Variants in MBNL2 observed in about 807,000 individuals in gnomAD.
MBNL2 encodes muscleblind like splicing regulator 2, also known as muscleblind-like protein 2.
Under a neutral mutation model 41.9 loss-of-function variants are expected in MBNL2, and 17 were observed. That is an observed-to-expected ratio of 0.41 (90% CI 0.28 to 0.61). The LOEUF is 0.61. Among genes scored for constraint, MBNL2 ranks in the 20% least tolerant of loss-of-function variants. The pLI is 0.35. For missense variants in MBNL2, 336 were observed against 505.6 expected, an observed-to-expected ratio of 0.66 and a Z score of 3.22; for synonymous variants, 195 against 182.9, an observed-to-expected ratio of 1.07 and a Z score of -0.53.
chr13:97,291,432 C>T (rs371286017), intron 2 of MBNL2, among the ~76,000 whole-genome samples: 1 of 151,804 alleles, frequency 6.6e-6, no homozygotes, highest in East Asian at 1.9e-4. Context: ...TAGTAGAGAC[C>T]GGGTTTCACC....
upstream of MBNL2, among the ~76,000 whole-genome samples, chr13:97,218,443 A>AC (rs1555302270): frequency 1.4e-5 from 2 of 143,538 alleles, no homozygotes; most frequent in African/African-American, 5.7e-5. Flanking sequence ...AACAAAACAA[A>AC]AAAAAAAAAC....
intron 4 of MBNL2, among the ~76,000 whole-genome samples, chr13:97,343,462 A>G (rs2061586050): frequency 6.6e-6 from 1 of 152,206 alleles, no homozygotes; most frequent in African/African-American, 2.4e-5. Context: ...TATGCGTTTA[A>G]GGGAAAAATA....
chr13:97,277,776 C>T lies in MBNL2; in HGVS notation c.174+1367C>T, dbSNP rs575476754. On this transcript the variant is annotated intron_variant, in intron 2 of 8. Transcript: ENST00000679496. Reference sequence around the variant, plus strand: ...TTTTTATCATAAAAGGTTTATTAGACTAGACTTTAAAATGATGAATTGTTT... The same window carrying T: ...TTTTTATCATAAAAGGTTTATTAGATTAGACTTTAAAATGATGAATTGTTT... Among the ~76,000 whole-genome samples the T allele has an allele frequency of 2.2e-4, 33 of 152,170 alleles. 1 individual carries two copies. Among genetic ancestry groups the T allele is most frequent in the African/African-American group, 7.7e-4 (32 of 41,520 alleles).
intron 8 of MBNL2, among the ~76,000 whole-genome samples, chr13:97,374,255 C>T (rs1395858161): frequency 6.6e-6 from 1 of 151,734 alleles, no homozygotes; most frequent in East Asian, 1.9e-4. Context: ...TCACGCCATT[C>T]TCCTGCCTCA....
the MBNL2 span, among the ~76,000 whole-genome samples, chr13:97,145,301 A>C: frequency 5.3e-5 from 8 of 152,364 alleles, no homozygotes; most frequent in East Asian, 1.5e-3. Flanking sequence ...AGGAGCAGAT[A>C]GAAGCTAAAC....
At chr13:97,337,061 G>A (rs1209431521) in intron 3 of MBNL2, among the ~76,000 whole-genome samples, 4 of 152,172 alleles carry the variant, frequency 2.6e-5, no homozygotes, top group Admixed American at 6.5e-5. Flanking sequence ...CAAAATTCAC[G>A]TTGAGTCCTA....
chr13:97,315,092 C>T, intron 2 of MBNL2, among the ~76,000 whole-genome samples: 1 of 152,040 alleles, frequency 6.6e-6, no homozygotes, highest in East Asian at 1.9e-4. Context: ...TTGACATTTT[C>T]ATTTTAGGGG....
At chr13:97,315,867 C>CT (rs1274521707) in intron 2 of MBNL2, among the ~76,000 whole-genome samples, 3 of 151,680 alleles carry the variant, frequency 2.0e-5, no homozygotes, top group Admixed American at 2.0e-4. Flanking sequence ...TGTGGAAGGC[C>CT]TTGCTCGTGG....
chr13:97,181,919 T>C, the MBNL2 span, among the ~76,000 whole-genome samples: 4 of 152,178 alleles, frequency 2.6e-5, no homozygotes, highest in Non-Finnish European at 5.9e-5. Context: ...CCCAAGAAAG[T>C]TGTCCTTCCA....
intron 1 of MBNL2, among the ~76,000 whole-genome samples, chr13:97,252,492 AT>A (rs1180797362): frequency 1.3e-5 from 2 of 152,232 alleles, no homozygotes; most frequent in African/African-American, 4.8e-5. Context: ...ATATTTTTAG[AT>A]GACAAGAATC....
At chr13:97,351,881 G>A (rs1285165971) in intron 5 of MBNL2, among the ~76,000 whole-genome samples, 1 of 151,964 alleles carries the variant, frequency 6.6e-6, no homozygotes, top group African/African-American at 2.4e-5. Context: ...AAAATTAGCT[G>A]GGCATGGTGG....
chr13:97,165,314 G>C, the MBNL2 span, among the ~76,000 whole-genome samples: 2 of 152,178 alleles, frequency 1.3e-5, no homozygotes, highest in African/African-American at 4.8e-5. Flanking sequence ...TTCTTTAAAA[G>C]GGGACTGTCA....
intron 3 of MBNL2, among the ~76,000 whole-genome samples, chr13:97,335,503 A>G (rs1172137594): frequency 6.6e-6 from 1 of 152,142 alleles, no homozygotes; most frequent in Non-Finnish European, 1.5e-5. Context: ...AAAGGAGAGT[A>G]GAGAATTCCG....
chr13:97,157,079 G>A, the MBNL2 span, among the ~76,000 whole-genome samples: 1 of 147,762 alleles, frequency 6.8e-6, no homozygotes, highest in East Asian at 2.0e-4. Context: ...TTGAGCAGTG[G>A]TTTGTAGTTC....
At chr13:97,327,015 C>T (rs892568211) in intron 2 of MBNL2, among the ~76,000 whole-genome samples, 3 of 152,152 alleles carry the variant, frequency 2.0e-5, no homozygotes, top group African/African-American at 7.2e-5. Flanking sequence ...TATTGCTTCC[C>T]CACTTTCAAA....
At chr13:97,293,114 C>A (rs2056441739) in intron 2 of MBNL2, among the ~76,000 whole-genome samples, 1 of 151,538 alleles carries the variant, frequency 6.6e-6, no homozygotes, top group Non-Finnish European at 1.5e-5. Flanking sequence ...ATTGTTTTGT[C>A]TTTTTGCCCA....
At chr13:97,205,332 A>G in the MBNL2 span, among the ~76,000 whole-genome samples, 1 of 150,260 alleles carries the variant, frequency 6.7e-6, no homozygotes, top group African/African-American at 2.4e-5. Flanking sequence ...CAGAGGTACA[A>G]TGAGCTGAGA....
chr13:97,328,119 G>A (rs546358664), intron 2 of MBNL2, among the ~76,000 whole-genome samples: 2 of 150,838 alleles, frequency 1.3e-5, no homozygotes, highest in African/African-American at 4.9e-5. Flanking sequence ...CCCAAGAACA[G>A]CAGCGCTGCA....
rs57849294 is a variant in MBNL2 at position 97,268,073 on chromosome 13, T to TTTCCTTCC, written c.-604-7536_-604-7529dup. On this transcript the variant is annotated intron_variant, in intron 1 of 8. Transcript: ENST00000679496. The surrounding 1 kb of genome is among the most constrained non-coding windows in gnomAD (Gnocchi z 4.6). ...CCTAAGAGTGTGCTTTTCTTTTTTC[T>TTTCCTTCC]TTCCTTCCTTCCTTCCTTCCTTCCT... Among the ~76,000 whole-genome samples the TTTCCTTCC allele has an allele frequency of 0.034, 4,973 of 147,914 alleles. 97 individuals carry two copies. The highest frequency in any genetic ancestry group is 0.041 in the Non-Finnish European group (2,768 of 67,084).
Sources: gnomAD v4.1 joint callset for allele counts (sites outside exome capture counted in the v4.1 genomes callset) on GRCh38, gnomAD v4.1.1 for gene constraint, Gnocchi (gnomAD v3.1) non-coding constraint, MANE v1.5 for transcripts, NCBI Gene and HGNC (gene_info 2026-07-23, HGNC 2026-07-21) for gene names.